RP1L1: variants seen among roughly 807,000 people sequenced by gnomAD.
RP1L1 encodes the protein RP1 like 1.
In RP1L1, 27 loss-of-function variants were observed where a neutral mutation model predicts 15.7. The ratio of observed to expected loss-of-function variants is 1.72; its 90% CI spans 1.27 to 2.38. The LOEUF is 2.38. Among genes scored for constraint, RP1L1 ranks in the 30% most tolerant of loss-of-function variants. The probability of loss-of-function intolerance (pLI) is 0.00; values close to 1 mark genes in which losing one functional copy is unlikely to be tolerated. For missense variants in RP1L1, 4,798 were observed against 3,075.9 expected (o/e 1.56, Z -13.24); for synonymous variants, 1,813 against 1,276.7 (o/e 1.42, Z -8.96).
intron 1 of RP1L1, among the ~76,000 whole-genome samples, chr8:10,639,485 G>C (rs972997021): frequency 2.0e-5 from 3 of 152,088 alleles, no homozygotes; most frequent in African/African-American, 7.2e-5. Context: ...CGATCCTTAT[G>C]TCTCAGTCTC....
chr8:10,608,460 C>T lies in RP1L1; in HGVS notation c.5638G>A (p.Glu1880Lys), dbSNP rs368791833. The T allele has an allele frequency of 4.3e-5, 69 of 1,600,740 alleles. No homozygotes were observed. In the African/African-American group the frequency reaches 8.2e-4, roughly 19 times the overall value. ...ESEDVEAPEA[E>K]GEAQPESEDV... ...TCTGACTCTGGCTGGGCCTCTCCTT[C>T]TGCCTCTGGGGCCTCTACATCTTCT... Residue 1880 changes from glutamate to lysine, a missense_variant, in exon 4 of 4, where the codon GAA becomes AAA. By Grantham distance (56) the Glu-to-Lys change is moderately conservative. Coordinates refer to ENST00000382483, the MANE Select transcript of RP1L1 (RefSeq NM_178857.6).
Position 10,607,278 on chromosome 8 carries a change from C to T in RP1L1, c.6820G>A (p.Glu2274Lys). ...EASESSSPVP[E>K]DRPTPPPSPG... ...GAAGGGGGTGGAGTGGGCCTGTCCT[C>T]AGGGACTGGGCTGCTGCTTTCAGAA... Residue 2274 changes from glutamate (E) to lysine (K), a missense_variant, in exon 4 of 4, where the codon GAG (glutamate) becomes AAG (lysine). Physicochemically the swap from Glu to Lys is moderately conservative, Grantham distance 56 (BLOSUM62 1). Coordinates refer to ENST00000382483, the MANE Select transcript of RP1L1 (RefSeq NM_178857.6). The T allele has an allele frequency of 1.2e-6, 2 of 1,614,222 alleles. No individual in the cohort carries two copies. The highest frequency in any genetic ancestry group is 1.7e-6 in the Non-Finnish European group (2 of 1,180,024).
intron 1 of RP1L1, among the ~76,000 whole-genome samples, chr8:10,631,267 AC>A (rs1363608619): frequency 6.6e-6 from 1 of 151,474 alleles, no homozygotes; most frequent in Non-Finnish European, 1.5e-5. Flanking sequence ...ACACACGCAC[AC>A]AAACACGCAT....
chr8:10,641,515 T>G (rs1798406597), intron 1 of RP1L1, among the ~76,000 whole-genome samples: 1 of 152,204 alleles, frequency 6.6e-6, no homozygotes, highest in Admixed American at 6.5e-5. Context: ...TAAAAAGATG[T>G]GAGGAGAAAA....
intron 1 of RP1L1, among the ~76,000 whole-genome samples, chr8:10,654,564 A>T (rs527986470): frequency 4.6e-5 from 7 of 151,782 alleles, no homozygotes; most frequent in Non-Finnish European, 8.8e-5. Context: ...CTCAGGAGGG[A>T]TTTCTCCCTC....
intron 1 of RP1L1, among the ~76,000 whole-genome samples, chr8:10,635,857 C>T (rs138410912): frequency 1.3e-5 from 2 of 152,338 alleles, no homozygotes; most frequent in Non-Finnish European, 2.9e-5. Flanking sequence ...CAGCAGAAGG[C>T]CACCAGGTGG....
At chr8:10,626,796 T>C (rs544202498) in intron 1 of RP1L1, among the ~76,000 whole-genome samples, 44 of 152,292 alleles carry the variant, frequency 2.9e-4, no homozygotes, top group Admixed American at 1.0e-3. Flanking sequence ...TTGCTCACAT[T>C]TCCACGAGAA....
At position 10,612,415 on chromosome 8, in the gene RP1L1, G is replaced by A. The variant is rs377749782; in HGVS notation, c.1683C>T (p.Ala561=). 1.1e-4 allele frequency: 179 copies of A among 1,612,694 alleles called. No homozygotes were observed. The African/African-American group carries it at 1.8e-3, about 16-fold the overall frequency. ...CGCTGGCCTCCTGCTGAGAGGTCTC[G>A]GCCCTTGCCTTGCCTGGACAGCCCT... ...RPQGCPGKAR[A]ETSQQEASEG... is the part of the protein sequence containing the mutation. The change falls in exon 4 of 4, where the codon GCC becomes GCT. Residue 561 remains alanine (A), a synonymous_variant. Coordinates refer to ENST00000382483, the MANE Select transcript of RP1L1 (RefSeq NM_178857.6).
chr8:10,636,910 T>A (rs566839887), intron 1 of RP1L1, among the ~76,000 whole-genome samples: 1 of 152,320 alleles, frequency 6.6e-6, no homozygotes, highest in Non-Finnish European at 1.5e-5. Context: ...GGCCAGTCTG[T>A]CACACAGCTC....
chr8:10,627,179 A>C (rs1426608485), intron 1 of RP1L1, among the ~76,000 whole-genome samples: 1 of 152,192 alleles, frequency 6.6e-6, no homozygotes, highest in Non-Finnish European at 1.5e-5. Flanking sequence ...GGATACGTGT[A>C]CACCCACGTT....
intron 1 of RP1L1, among the ~76,000 whole-genome samples, chr8:10,638,403 A>G (rs928015058): frequency 3.3e-5 from 5 of 152,164 alleles, no homozygotes; most frequent in Admixed American, 6.5e-5. Context: ...GTGGGGAAAA[A>G]AAATCAAAGG....
At chr8:10,615,064 G>A (rs1004132276) in intron 3 of RP1L1, among the ~76,000 whole-genome samples, 13 of 152,170 alleles carry the variant, frequency 8.5e-5, no homozygotes, top group African/African-American at 3.1e-4. Context: ...CCCAGTCCTG[G>A]CCCTCCACAG....
Position 10,612,175 on chromosome 8 carries a change from G to A in RP1L1, c.1923C>T (p.His641=), listed in dbSNP as rs745959720. The A allele has an allele frequency of 2.5e-6, 4 of 1,613,444 alleles. 1 individual carries two copies. The South Asian group carries it at 3.3e-5, about 13-fold the overall frequency. The change falls in exon 4 of 4, where the codon CAC becomes CAT. Residue 641 remains histidine, a synonymous_variant. Transcript: ENST00000382483. The part of the protein sequence containing the change: ...CTSSQQGQRR[H]RSRASAMSSP... Reference sequence around the variant, plus strand: ...AGGACATTGCACTGGCCCGGCTTCTGTGCCTTCTCTGCCCCTGCTGGGATG... The same window carrying A: ...AGGACATTGCACTGGCCCGGCTTCTATGCCTTCTCTGCCCCTGCTGGGATG...
At position 10,612,740 on chromosome 8, in the gene RP1L1, G is replaced by C; in HGVS notation, c.1358C>G (p.Ala453Gly). The stretch of plus-strand genomic sequence containing the variant: ...GAGGCCGGTGCTGGAGGCTGGGCTG[G>C]CACTGTCCTGGCTGCATCTCTCCCT... ...AGRERCSQDS[A>G]SPASSTGLPE... The change falls in exon 4 of 4, where the codon GCC (alanine) becomes GGC (glycine). Residue 453 changes from alanine (A) to glycine (G), a missense_variant. Coordinates refer to ENST00000382483, the MANE Select transcript of RP1L1 (RefSeq NM_178857.6). 6.2e-7 allele frequency: 1 copy of C among 1,607,216 alleles called. No individual in the cohort carries two copies. The highest frequency in any genetic ancestry group is 8.5e-7 in the Non-Finnish European group (1 of 1,179,614).
chr8:10,642,777 T>C (rs1240617090), intron 1 of RP1L1, among the ~76,000 whole-genome samples: 1 of 152,174 alleles, frequency 6.6e-6, no homozygotes, highest in Non-Finnish European at 1.5e-5. Flanking sequence ...TAAGTAAGTC[T>C]GCACAATCAA....
At position 10,609,121 on chromosome 8, in the gene RP1L1, G is replaced by T. The variant is rs143542839; in HGVS notation, c.4977C>A (p.Cys1659Ter). The T allele has an allele frequency of 7.4e-6, 12 of 1,613,370 alleles. No individual in the cohort carries two copies. The highest frequency in any genetic ancestry group is 2.2e-5 in the East Asian group (1 of 44,870). The stretch of plus-strand genomic sequence containing the variant: ...TCACTTTCTTCCTCACGCAGGCCTC[G>T]CAGGGACAGAACTCCTCCCCCTCCG... ...EEAEGEEFCP[C>*]EACVRKKVSP... Residue 1659 changes from cysteine (C) to a stop codon, truncating the protein, a stop_gained, in exon 4 of 4, where the codon TGC becomes TGA. Coordinates refer to ENST00000382483, the MANE Select transcript of RP1L1 (RefSeq NM_178857.6). LOFTEE classifies it low-confidence loss of function (END_TRUNC).
chr8:10,610,463 T>A lies in RP1L1; in HGVS notation c.3635A>T (p.Glu1212Val). The A allele has an allele frequency of 6.2e-7, 1 of 1,613,712 alleles. No homozygotes were observed. The highest frequency in any genetic ancestry group is 1.7e-5 in the Admixed American group (1 of 60,016). ...GTCCATGGCACAGGGTACGCTACTC[T>A]CCCCTGAGCCTCCAGAGCCGCTGCT... Reference protein sequence around the residue: ...DISSGSGGSGESSVPCAMDGT... With the variant: ...DISSGSGGSGVSSVPCAMDGT... Residue 1212 changes from glutamate (E) to valine (V), a missense_variant, in exon 4 of 4, where the codon GAG becomes GTG. Physicochemically the swap from Glu to Val is moderately radical, Grantham distance 121. Transcript: ENST00000382483.
At position 10,612,391 on chromosome 8, in the gene RP1L1, G is replaced by A. The variant is rs199551988; in HGVS notation, c.1707C>T (p.Ser569=). The change falls in exon 4 of 4, where the codon AGC becomes AGT. Residue 569 remains serine, a synonymous_variant. Coordinates refer to ENST00000382483, the MANE Select transcript of RP1L1 (RefSeq NM_178857.6). ...CTGGAGAAGCGGGGTCGCCTCCCTC[G>A]CTGGCCTCCTGCTGAGAGGTCTCGG... ...ARAETSQQEA[S]EGGDPASPAL... 165 of 1,612,636 alleles carry A rather than the reference G, an allele frequency of 1.0e-4. 1 individual carries two copies. In the African/African-American group the frequency reaches 1.5e-3, roughly 15 times the overall value.
In RP1L1 at chr8:10,612,354, A is replaced by G; in HGVS notation, c.1744T>C (p.Ser582Pro). Residue 582 changes from serine to proline, a missense_variant, in exon 4 of 4, where the codon TCA becomes CCA. Transcript: ENST00000382483. ...TGCAGGTCGTCACTCCTTAAAGATG[A>G]AAGACTCAGGGCTGGAGAAGCGGGG... ...GDPASPALSL[S>P]SLRSDDLQAE... 1.2e-6 allele frequency: 2 copies of G among 1,613,106 alleles called. No homozygotes were observed. The highest frequency in any genetic ancestry group is 1.7e-6 in the Non-Finnish European group (2 of 1,180,020).
Sources: gnomAD v4.1 joint callset for allele counts (sites outside exome capture counted in the v4.1 genomes callset) on GRCh38, gnomAD v4.1.1 for gene constraint, MANE v1.5 for transcripts, NCBI Gene and HGNC (gene_info 2026-07-23, HGNC 2026-07-21) for gene names.